FBXO40: variants seen among roughly 807,000 people sequenced by gnomAD.
FBXO40 encodes the protein F-box only protein 40.
FBXO40 carries 50 observed loss-of-function variants against 49.9 expected under a neutral mutation model. The ratio of observed to expected loss-of-function variants is 1.00; its 90% CI spans 0.80 to 1.27. The LOEUF (loss-of-function observed/expected upper bound fraction) is 1.27. FBXO40 is among the 50% of genes most tolerant of loss of function. The probability of loss-of-function intolerance (pLI) is 0.00; values close to 1 mark genes in which losing one functional copy is unlikely to be tolerated. For missense variants in FBXO40, 895 were observed against 870.1 expected (o/e 1.03, Z -0.36); for synonymous variants, 340 against 320.2 (o/e 1.06, Z -0.66).
intron 1 of FBXO40, among the ~76,000 whole-genome samples, chr3:121,609,665 C>T (rs1406172880): frequency 6.6e-6 from 1 of 152,158 alleles, no homozygotes; most frequent in Non-Finnish European, 1.5e-5. Context: ...TTGTTTTATG[C>T]TCTCTGAAGG....
intron 1 of FBXO40, among the ~76,000 whole-genome samples, chr3:121,599,724 A>ATTTT (rs753693720): frequency 1.0e-5 from 1 of 97,164 alleles, no homozygotes; most frequent in Non-Finnish European, 2.0e-5. Context: ...ATATATATAT[A>ATTTT]TTTTTTTTTT....
chr3:121,617,993 T>C (rs1475003044), intron 1 of FBXO40, among the ~76,000 whole-genome samples: 2 of 152,070 alleles, frequency 1.3e-5, no homozygotes, highest in East Asian at 3.9e-4. Context: ...AGCAAGGCTC[T>C]GTCAAAAAAA....
intron 1 of FBXO40, among the ~76,000 whole-genome samples, chr3:121,619,694 T>A (rs2049018726): frequency 6.6e-6 from 1 of 152,126 alleles, no homozygotes; most frequent in South Asian, 2.1e-4. Context: ...ATGGGATAGG[T>A]ACTATTATTA....
chr3:121,618,288 G>C, intron 1 of FBXO40, among the ~76,000 whole-genome samples: 1 of 151,726 alleles, frequency 6.6e-6, no homozygotes, highest in East Asian at 1.9e-4. Flanking sequence ...TTTCTTAGGT[G>C]AGACAATATT....
At chr3:121,610,625 T>TTC (rs2108847303) in intron 1 of FBXO40, among the ~76,000 whole-genome samples, 1 of 152,146 alleles carries the variant, frequency 6.6e-6, no homozygotes, top group Admixed American at 6.6e-5. Flanking sequence ...CCTCTCTAGG[T>TTC]TCTTACTTCC....
intron 1 of FBXO40, among the ~76,000 whole-genome samples, chr3:121,607,108 T>A (rs1477869720): frequency 6.6e-6 from 1 of 151,752 alleles, no homozygotes; most frequent in East Asian, 2.0e-4. Flanking sequence ...CTACTAAAAA[T>A]ACAAAAATTA....
At chr3:121,610,801 C>T (rs570444327) in intron 1 of FBXO40, among the ~76,000 whole-genome samples, 10 of 152,122 alleles carry the variant, frequency 6.6e-5, no homozygotes, top group South Asian at 2.1e-4. Flanking sequence ...CCACCACATA[C>T]GGCTAATTTT....
At chr3:121,595,388 A>AGTC (rs1365723537) in intron 1 of FBXO40, among the ~76,000 whole-genome samples, 4 of 152,240 alleles carry the variant, frequency 2.6e-5, no homozygotes, top group Admixed American at 2.6e-4. Flanking sequence ...AGACAGATTG[A>AGTC]GTCCCAGCTA....
At position 121,621,487 on chromosome 3, in the gene FBXO40, A is replaced by G; in HGVS notation, c.58A>G (p.Asn20Asp). ...GHHRHCEGCF[N>D]RHCHIPVEPN... ...CCACAGGCATTGTGAGGGATGCTTC[A>G]ACCGCCACTGCCACATTCCTGTGGA... is the stretch of plus-strand genomic sequence containing the variant. Residue 20 changes from asparagine (N) to aspartate (D), a missense_variant, in exon 3 of 4, where the codon AAC becomes GAC. By Grantham distance (23) the Asn-to-Asp change is conservative (BLOSUM62 1). Coordinates refer to ENST00000338040, the MANE Select transcript of FBXO40 (RefSeq NM_016298.4). 1 of 1,614,224 alleles carries G rather than the reference A, an allele frequency of 6.2e-7. No individual in the cohort carries two copies. The highest frequency in any genetic ancestry group is 1.3e-5 in the African/African-American group (1 of 75,060).
At position 121,613,037 on chromosome 3, in the gene FBXO40, TC is replaced by T. The variant is rs1420903813; in HGVS notation, c.-30-7507del. 3.5e-5 allele frequency among the ~76,000 whole-genome samples: 5 copies of T among 143,982 alleles called. No homozygotes were observed. In the East Asian group the frequency reaches 1.0e-3, roughly 29 times the overall value. 94.5% of individuals were successfully genotyped at this position (143,982 alleles called of 152,430 possible). A position where few individuals can be genotyped will look rare whatever the true frequency, so the allele number is the denominator to read the frequency against. ...GTGAGCCGAGATCCAGCCACTGCAC[TC>T]CAGCCTGGGCGACAGAGCAAGACTC... On this transcript the variant is annotated intron_variant, in intron 1 of 3. Transcript: ENST00000338040.
At chr3:121,604,316 T>C (rs2048919663) in intron 1 of FBXO40, among the ~76,000 whole-genome samples, 2 of 152,208 alleles carry the variant, frequency 1.3e-5, no homozygotes, top group Admixed American at 1.3e-4. Context: ...ACATAGAAAC[T>C]TATAAGAATT....
intron 1 of FBXO40, among the ~76,000 whole-genome samples, chr3:121,597,344 C>T (rs1032897008): frequency 9.9e-5 from 15 of 151,634 alleles, no homozygotes; most frequent in African/African-American, 3.2e-4. Flanking sequence ...AGGAATGGCT[C>T]GTGGTGATTA....
At chr3:121,607,300 CTTTTTTTTTTT>C (rs555162944) in intron 1 of FBXO40, among the ~76,000 whole-genome samples, 1 of 60,128 alleles carries the variant, frequency 1.7e-5, no homozygotes, top group African/African-American at 6.6e-5. Context: ...CTCTAAAGCT[CTTTTTTTTTTT>C]TTTTTTTTTT....
intron 1 of FBXO40, among the ~76,000 whole-genome samples, chr3:121,609,181 G>T (rs984321119): frequency 1.3e-5 from 2 of 151,798 alleles, no homozygotes; most frequent in Non-Finnish European, 2.9e-5. Context: ...AACCCAAATT[G>T]ATTCTGGAGG....
chr3:121,601,587 T>C (rs1407418156), intron 1 of FBXO40, among the ~76,000 whole-genome samples: 1 of 152,218 alleles, frequency 6.6e-6, no homozygotes, highest in Non-Finnish European at 1.5e-5. Context: ...TAGTCACCAG[T>C]GTCCCTCCAG....
chr3:121,606,130 A>C (rs950106211), intron 1 of FBXO40, among the ~76,000 whole-genome samples: 2 of 152,252 alleles, frequency 1.3e-5, no homozygotes, highest in African/African-American at 4.8e-5. Context: ...GAGGATCAGG[A>C]AGACTAACCT....
rs1445655395 is a variant in FBXO40 at position 121,627,792 on chromosome 3, A to G, written c.*882A>G. The G allele has an allele frequency of 1.0e-5, 4 of 398,516 alleles. No homozygotes were observed. Among genetic ancestry groups the G allele is most frequent in the African/African-American group, 8.2e-5 (4 of 48,630 alleles). 24.7% of individuals were successfully genotyped at this position (398,516 alleles called of 1,614,324 possible). A position where few individuals can be genotyped will look rare whatever the true frequency, so the allele number is the denominator to read the frequency against. ...GTGCTATCTGAAATGACCTCAATAC[A>G]CTAATGCCAACCTCAGCGTCATGCC... On this transcript the variant is annotated 3_prime_UTR_variant, in exon 4 of 4. Transcript: ENST00000338040.
At position 121,626,754 on chromosome 3, in the gene FBXO40, C is replaced by T. The variant is rs200996283; in HGVS notation, c.1974C>T (p.Thr658=). ...KIKSWEFNEV[T]SMSEHLKSCP... ...AGAGCTGGGAGTTTAATGAAGTCAC[C>T]TCCATGTCTGAGCACCTGAAGTCCT... The change falls in exon 4 of 4, where the codon ACC becomes ACT. Residue 658 remains threonine, a synonymous_variant. Transcript: ENST00000338040. 5.0e-6 allele frequency: 8 copies of T among 1,614,024 alleles called. No homozygotes were observed. The highest frequency in any genetic ancestry group is 6.8e-6 in the Non-Finnish European group (8 of 1,180,032).
Position 121,627,335 on chromosome 3 carries a change from A to G in FBXO40, c.*425A>G. On this transcript the variant is annotated 3_prime_UTR_variant, in exon 4 of 4. Coordinates refer to ENST00000338040, the MANE Select transcript of FBXO40 (RefSeq NM_016298.4). ...TTCAAATTTATGGGACAGGAAATGC[A>G]GGATGGGACTCCCCAGGGAACGCAG... 1 of 188,960 alleles carries G rather than the reference A, an allele frequency of 5.3e-6. No individual in the cohort carries two copies. The allele number at this position is 188,960 out of a possible 1,614,324, so 11.7% of individuals were successfully genotyped here.
Sources: gnomAD v4.1 joint callset for allele counts (sites outside exome capture counted in the v4.1 genomes callset) on GRCh38, gnomAD v4.1.1 for gene constraint, MANE v1.5 for transcripts, NCBI Gene and HGNC (gene_info 2026-07-23, HGNC 2026-07-21) for gene names.